Variants in ESRRG observed in about 807,000 individuals in gnomAD.
ESRRG encodes estrogen related receptor gamma, also known as estrogen-related receptor gamma.
ESRRG carries 13 observed loss-of-function variants against 44.0 expected under a neutral mutation model. That is an observed-to-expected ratio of 0.30 (90% CI 0.19 to 0.47). The LOEUF (loss-of-function observed/expected upper bound fraction) is 0.47, where lower values mean the gene tolerates loss of function less well. ESRRG is among the 20% of genes least tolerant of loss of function. The pLI is 1.00. For missense variants in ESRRG, 395 were observed against 580.6 expected (o/e 0.68, Z 3.29); for synonymous variants, 215 against 214.6 (o/e 1.00, Z -0.02).
At chr1:216,604,518 G>C (rs1254211114) in intron 3 of ESRRG, among the ~76,000 whole-genome samples, 12 of 152,170 alleles carry the variant, frequency 7.9e-5, no homozygotes, top group Admixed American at 5.9e-4. Context: ...CTCTCCTAGT[G>C]TCCTGAATCC....
At chr1:216,966,129 C>CA (rs750426950) in intron 1 of ESRRG, among the ~76,000 whole-genome samples, 4 of 152,110 alleles carry the variant, frequency 2.6e-5, no homozygotes, top group Non-Finnish European at 4.4e-5. Context: ...AAGCCAGGTA[C>CA]ATTCATGGTA....
intron 5 of ESRRG, among the ~76,000 whole-genome samples, chr1:216,539,033 G>A (rs1329862580): frequency 2.0e-5 from 3 of 151,952 alleles, no homozygotes; most frequent in Admixed American, 2.0e-4. Flanking sequence ...ATTTAAAACA[G>A]ATTTTGAGAT....
chr1:216,570,816 T>C (rs1359646659), intron 3 of ESRRG, among the ~76,000 whole-genome samples: 2 of 152,198 alleles, frequency 1.3e-5, no homozygotes, highest in Non-Finnish European at 2.9e-5. Context: ...GCTGACAGAA[T>C]AAATCTTGAC....
chr1:216,552,362 C>T (rs914265478), intron 5 of ESRRG, among the ~76,000 whole-genome samples: 2 of 152,068 alleles, frequency 1.3e-5, no homozygotes, highest in African/African-American at 4.8e-5. Flanking sequence ...CATTAATAGA[C>T]CTGAGTTTTA....
At chr1:216,753,732 T>C (rs1317275889) in intron 2 of ESRRG, among the ~76,000 whole-genome samples, 2 of 152,112 alleles carry the variant, frequency 1.3e-5, no homozygotes, top group Non-Finnish European at 2.9e-5. Flanking sequence ...ATACCTAATT[T>C]CTTAGCTGAA....
intron 1 of ESRRG, among the ~76,000 whole-genome samples, chr1:217,076,285 G>A (rs146704471): frequency 2.6e-4 from 39 of 152,180 alleles, no homozygotes; most frequent in Admixed American, 5.2e-4. Flanking sequence ...ATAAAGACAC[G>A]GCTATGCTTC....
intron 6 of ESRRG, 31 bp downstream of exon 6, chr1:216,519,121 A>T (rs1486529290): frequency 6.3e-7 from 1 of 1,595,114 alleles, no homozygotes; most frequent in Admixed American, 1.7e-5. Flanking sequence ...TATTAAAAAA[A>T]ATGTAACAAT....
chr1:217,083,376 GTAAA>G (rs1190960852), intron 1 of ESRRG, among the ~76,000 whole-genome samples: 2 of 152,098 alleles, frequency 1.3e-5, no homozygotes, highest in African/African-American at 4.8e-5. Flanking sequence ...CCATACTTAA[GTAAA>G]TAGTTAGTTT....
intron 2 of ESRRG, among the ~76,000 whole-genome samples, chr1:216,658,034 C>G (rs992702564): frequency 2.0e-5 from 3 of 152,022 alleles, no homozygotes; most frequent in African/African-American, 7.2e-5. Flanking sequence ...GAAAAAAGAC[C>G]GGAAGGATAT....
Position 216,729,068 on chromosome 1 carries a change from T to C in ESRRG, c.-13-51577A>G, listed in dbSNP as rs952899820. Among the ~76,000 whole-genome samples, 4 of 152,324 alleles carry C rather than the reference T, an allele frequency of 2.6e-5. No individual in the cohort carries two copies. The East Asian group carries it at 7.7e-4, about 29-fold the overall frequency. ...TCCAATTATGAGGGATGAGGCTTTG[T>C]ACTGGAGTCAGCTTCACCCATCTTA... On this transcript the variant is annotated intron_variant, in intron 2 of 7. Coordinates refer to the ESRRG transcript ENST00000359162.
chr1:216,778,866 G>A (rs1204568788), intron 2 of ESRRG, among the ~76,000 whole-genome samples: 1 of 151,396 alleles, frequency 6.6e-6, no homozygotes, highest in Non-Finnish European at 1.5e-5. Flanking sequence ...ACATACTGGA[G>A]ATGAGACAGA....
chr1:216,944,227 T>C (rs2150003372), intron 1 of ESRRG, among the ~76,000 whole-genome samples: 1 of 152,322 alleles, frequency 6.6e-6, no homozygotes, highest in Non-Finnish European at 1.5e-5. Context: ...TACTTTCTGA[T>C]GCAAACTCTG....
At chr1:217,107,047 A>G (rs2092606121) in intron 1 of ESRRG, among the ~76,000 whole-genome samples, 3 of 152,186 alleles carry the variant, frequency 2.0e-5, no homozygotes, top group African/African-American at 7.2e-5. Flanking sequence ...TTGTTCATAT[A>G]TTCATCTGTT....
intron 2 of ESRRG, among the ~76,000 whole-genome samples, chr1:216,738,910 G>A (rs1218643369): frequency 6.6e-6 from 1 of 152,080 alleles, no homozygotes; most frequent in East Asian, 1.9e-4. Flanking sequence ...GGAGTGCAGT[G>A]GTGCAATCAT....
intron 3 of ESRRG, among the ~76,000 whole-genome samples, chr1:216,572,417 G>A (rs985998026): frequency 6.6e-6 from 1 of 152,022 alleles, no homozygotes; most frequent in Admixed American, 6.6e-5. Flanking sequence ...GTGCAACTTT[G>A]AAAATAGGTT....
intron 2 of ESRRG, among the ~76,000 whole-genome samples, chr1:216,814,616 A>G (rs2095077308): frequency 6.6e-6 from 1 of 152,188 alleles, no homozygotes; most frequent in Non-Finnish European, 1.5e-5. Context: ...TACCTTCCTC[A>G]GTCTTTCACT....
chr1:216,510,065 A>G (rs1486825964), intron 6 of ESRRG, among the ~76,000 whole-genome samples: 1 of 152,204 alleles, frequency 6.6e-6, no homozygotes, highest in Non-Finnish European at 1.5e-5. Context: ...GGAACCAGCT[A>G]AACTTAATGG....
rs566418572 is a variant in ESRRG at position 216,560,982 on chromosome 1, T to C, written c.862+3237A>G. On this transcript the variant is annotated intron_variant, in intron 5 of 6. Transcript: ENST00000408911. ...GCTATTAGGGCACCATCATCTGTTCTTGTGCCCTTATGCTCCTCCAACTAA... is the reference window on the plus strand; with the variant it reads ...GCTATTAGGGCACCATCATCTGTTCCTGTGCCCTTATGCTCCTCCAACTAA... Among the ~76,000 whole-genome samples, 8 of 152,326 alleles carry C rather than the reference T, an allele frequency of 5.3e-5. No individual in the cohort carries two copies. The South Asian group carries it at 1.7e-3, about 32-fold the overall frequency.
At chr1:216,614,491 T>C (rs538647303) in intron 3 of ESRRG, among the ~76,000 whole-genome samples, 55 of 152,254 alleles carry the variant, frequency 3.6e-4, no homozygotes, top group Non-Finnish European at 7.1e-4. Context: ...CGACCCTTTG[T>C]GTTAAGTGCA....
Sources: allele counts gnomAD v4.1 joint callset (sites outside exome capture counted in the v4.1 genomes callset), GRCh38; gene constraint gnomAD v4.1.1; transcripts MANE v1.5; gene names NCBI Gene and HGNC (gene_info 2026-07-23, HGNC 2026-07-21).